The following AGMO variants were observed in gnomAD, a reference collection of about 807,000 sequenced individuals.
The protein encoded by AGMO is alkylglycerol monooxygenase.
A neutral mutation model predicts 60.2 loss-of-function variants in AGMO; 75 were observed. The ratio of observed to expected loss-of-function variants is 1.25; its 90% CI spans 1.03 to 1.51. The LOEUF is 1.51. Among genes scored for constraint, AGMO ranks in the 40% most tolerant of loss-of-function variants. The probability of loss-of-function intolerance (pLI) is 0.00; values close to 1 mark genes in which losing one functional copy is unlikely to be tolerated. For synonymous variants in AGMO, 261 were observed against 177.1 expected (o/e 1.47, Z -3.76); for missense variants, 763 against 525.5 (o/e 1.45, Z -4.42).
chr7:15,360,327 A>AC (rs890721008), intron 12 of AGMO, among the ~76,000 whole-genome samples: 9 of 152,122 alleles, frequency 5.9e-5, no homozygotes, highest in African/African-American at 1.9e-4. Context: ...AGTGGGGCCA[A>AC]CCCCCCGTGC....
chr7:15,482,173 A>C (rs76893718), intron 3 of AGMO, among the ~76,000 whole-genome samples: 8,434 of 152,048 alleles, frequency 0.055, 336 homozygotes, highest in African/African-American at 0.11. Context: ...TAAGAAAATA[A>C]ATAAAAAGAA....
intron 12 of AGMO, among the ~76,000 whole-genome samples, chr7:15,258,517 T>A (rs1264497439): frequency 6.6e-6 from 1 of 150,612 alleles, no homozygotes; most frequent in East Asian, 2.0e-4. Flanking sequence ...TGCACTCCAA[T>A]CCAGCCTGGC....
At chr7:15,436,584 C>T (rs1259545290) in intron 3 of AGMO, among the ~76,000 whole-genome samples, 1 of 152,018 alleles carries the variant, frequency 6.6e-6, no homozygotes, top group Non-Finnish European at 1.5e-5. Context: ...CAAACAACAG[C>T]GAGCTGCATG....
At chr7:15,365,397 A>AAAAAAAAAAAAAAATAAAAATAT in intron 12 of AGMO, 117 bp downstream of exon 12, 1 of 486,324 alleles carries the variant, frequency 2.1e-6, no homozygotes, top group Non-Finnish European at 3.6e-6. Context: ...AAAAAAAAAG[A>AAAAAAAAAAAAAAATAAAAATAT]TCAAGATTTC....
intron 12 of AGMO, among the ~76,000 whole-genome samples, chr7:15,335,526 T>C (rs1311785360): frequency 1.3e-5 from 2 of 152,166 alleles, no homozygotes; most frequent in Non-Finnish European, 1.5e-5. Flanking sequence ...GGAAAATATT[T>C]AGTCACTCGC....
intron 4 of AGMO, among the ~76,000 whole-genome samples, chr7:15,426,335 T>C (rs757539341): frequency 6.6e-6 from 1 of 152,110 alleles, no homozygotes; most frequent in Non-Finnish European, 1.5e-5. Flanking sequence ...CAGTGAAAAA[T>C]AGACTAATTT....
chr7:15,420,356 G>A (rs911327956), intron 4 of AGMO, among the ~76,000 whole-genome samples: 1 of 151,968 alleles, frequency 6.6e-6, no homozygotes, highest in African/African-American at 2.4e-5. Context: ...TAGATTTTCT[G>A]AAAACTCATT....
chr7:15,391,010 C>T lies in AGMO; in HGVS notation c.677-105G>A, dbSNP rs933604536. ...TATATTCATAAAATTCAGATTTAAACAGGGTACAATTTCCCTGGGAATGTC... is the reference window on the plus strand; with the variant it reads ...TATATTCATAAAATTCAGATTTAAATAGGGTACAATTTCCCTGGGAATGTC... On this transcript the variant is annotated intron_variant, in intron 6 of 12. Transcript: ENST00000342526. 16 of 706,290 alleles carry T rather than the reference C, an allele frequency of 2.3e-5. No homozygotes were observed. In the African/African-American group the frequency reaches 2.5e-4, roughly 11 times the overall value. The allele number at this position is 706,290 out of a possible 1,614,324, so 43.8% of individuals were successfully genotyped here. A position where few individuals can be genotyped will look rare whatever the true frequency, so the allele number is the denominator to read the frequency against.
chr7:15,451,760 T>C (rs181017311), intron 3 of AGMO, among the ~76,000 whole-genome samples: 163 of 152,206 alleles, frequency 1.1e-3, no homozygotes, highest in Non-Finnish European at 2.0e-3. Context: ...GGGAAGTCCC[T>C]AGGATCAGAG....
rs562429733 is a variant in AGMO at position 15,354,306 on chromosome 7, GTA to G, written c.1263+11206_1263+11207del. Among the ~76,000 whole-genome samples, 677 of 70,730 alleles carry G rather than the reference GTA, an allele frequency of 9.6e-3. 76 individuals carry two copies. The highest frequency in any genetic ancestry group is 0.054 in the African/African-American group (643 of 11,850). The allele number at this position is 70,730 out of a possible 152,430, so 46.4% of individuals were successfully genotyped here. A position where few individuals can be genotyped will look rare whatever the true frequency, so the allele number is the denominator to read the frequency against. The stretch of plus-strand genomic sequence containing the variant: ...ACGAATGAGATAAATATATATACGT[GTA>G]TACACGCGTGTATATACGTACGCGT... On this transcript the variant is annotated intron_variant, in intron 12 of 12. Transcript: ENST00000342526.
intron 12 of AGMO, among the ~76,000 whole-genome samples, chr7:15,203,336 A>T (rs1781354760): frequency 6.6e-6 from 1 of 152,116 alleles, no homozygotes; most frequent in Non-Finnish European, 1.5e-5. Context: ...CTTTCCACTA[A>T]ATCTTTCCAC....
chr7:15,354,926 T>A (rs1315491561), intron 12 of AGMO, among the ~76,000 whole-genome samples: 1 of 152,004 alleles, frequency 6.6e-6, no homozygotes, highest in Non-Finnish European at 1.5e-5. Flanking sequence ...TTATAGCATA[T>A]AAAAGGGATA....
chr7:15,304,651 C>T (rs1017557023), intron 12 of AGMO, among the ~76,000 whole-genome samples: 4 of 146,850 alleles, frequency 2.7e-5, no homozygotes, highest in Admixed American at 6.7e-5. Flanking sequence ...GTCCCTGATT[C>T]GTACTTTATA....
Position 15,544,846 on chromosome 7 carries a change from T to A in AGMO, c.335A>T (p.Asp112Val), listed in dbSNP as rs1475301663. The A allele has an allele frequency of 7.5e-6, 12 of 1,610,476 alleles. No homozygotes were observed. The highest frequency in any genetic ancestry group is 9.3e-6 in the Non-Finnish European group (11 of 1,178,182). The change falls in exon 3 of 13, where the codon GAT (aspartate) becomes GTT (valine). Residue 112 changes from aspartate (D) to valine (V), a missense_variant. Asp to Val is a radical substitution (Grantham distance 152, BLOSUM62 -3). Transcript: ENST00000342526. ...ENYRLFNLPW[D>V]SPWTWYSAFL... ...GGCTGAATACCAAGTCCATGGAGAA[T>A]CCCAAGGCAAATTGAACAGCCTGTA...
intron 3 of AGMO, among the ~76,000 whole-genome samples, chr7:15,445,009 G>T (rs909232972): frequency 6.6e-6 from 1 of 152,108 alleles, no homozygotes; most frequent in Non-Finnish European, 1.5e-5. Flanking sequence ...GTATCTTTCT[G>T]ATTTCTCTTT....
the AGMO span, among the ~76,000 whole-genome samples, chr7:15,177,953 A>C: frequency 0.02 from 3,080 of 152,232 alleles, 90 homozygotes; most frequent in African/African-American, 0.071. Context: ...ACAAATTAAA[A>C]TCGATTTTCA....
intron 10 of AGMO, among the ~76,000 whole-genome samples, chr7:15,371,358 C>G (rs532168338): frequency 6.6e-6 from 1 of 151,010 alleles, no homozygotes; most frequent in Non-Finnish European, 1.5e-5. Flanking sequence ...GTAGCTGGGA[C>G]TACAGGCACA....
At chr7:15,469,444 T>C (rs1245272582) in intron 3 of AGMO, among the ~76,000 whole-genome samples, 2 of 152,162 alleles carry the variant, frequency 1.3e-5, no homozygotes, top group African/African-American at 2.4e-5. Context: ...TACTGTACCA[T>C]TGATTATCTG....
intron 3 of AGMO, among the ~76,000 whole-genome samples, chr7:15,508,732 GAA>G: frequency 8.0e-6 from 1 of 124,468 alleles, no homozygotes; most frequent in East Asian, 2.3e-4. Context: ...ACTTCGTATA[GAA>G]AAAAAAAAAA....
Sources: allele counts gnomAD v4.1 joint callset (sites outside exome capture counted in the v4.1 genomes callset), GRCh38; gene constraint gnomAD v4.1.1; transcripts MANE v1.5; gene names NCBI Gene and HGNC (gene_info 2026-07-23, HGNC 2026-07-21).